The following LRRC4C variants were observed in gnomAD, a reference collection of about 807,000 sequenced individuals.
LRRC4C encodes leucine-rich repeat-containing protein 4C.
Under a neutral mutation model 33.6 loss-of-function variants are expected in LRRC4C, and 5 were observed. The observed-to-expected ratio is 0.15, with a 90% CI of 0.08 to 0.31. The LOEUF (loss-of-function observed/expected upper bound fraction) is 0.31, where lower values mean the gene tolerates loss of function less well. LRRC4C is among the 10% of genes least tolerant of loss of function. The pLI, the probability that LRRC4C is intolerant of heterozygous loss-of-function variation, is 1.00. For missense variants in LRRC4C, 560 were observed against 796.7 expected, an observed-to-expected ratio of 0.70 and a Z score of 3.58; for synonymous variants, 329 against 302.0, an observed-to-expected ratio of 1.09 and a Z score of -0.93.
At chr11:40,497,472 T>C (rs1360946595) in intron 3 of LRRC4C, among the ~76,000 whole-genome samples, 1 of 152,040 alleles carries the variant, frequency 6.6e-6, no homozygotes, top group Admixed American at 6.6e-5. Flanking sequence ...TTTTCATGGA[T>C]ATACTAATAT....
chr11:40,979,928 C>T (rs1360946816), intron 1 of LRRC4C, among the ~76,000 whole-genome samples: 5 of 152,022 alleles, frequency 3.3e-5, no homozygotes, highest in African/African-American at 1.2e-4. Flanking sequence ...AGAAATATAA[C>T]AAGAAAATCA....
intron 1 of LRRC4C, among the ~76,000 whole-genome samples, chr11:41,137,874 G>A (rs958031731): frequency 6.6e-6 from 1 of 152,162 alleles, no homozygotes; most frequent in African/African-American, 2.4e-5. Context: ...AAAAATTTTA[G>A]TAGAAGTGGA....
intron 1 of LRRC4C, among the ~76,000 whole-genome samples, chr11:41,017,830 C>T (rs965484832): frequency 6.6e-5 from 10 of 150,876 alleles, no homozygotes; most frequent in African/African-American, 1.9e-4. Context: ...GCAAAATACA[C>T]AGAGGATATC....
At position 40,115,289 on chromosome 11, in the gene LRRC4C, T is replaced by A; in HGVS notation, c.1004A>T (p.Asn335Ile). 1 of 1,614,074 alleles carries A rather than the reference T, an allele frequency of 6.2e-7. No individual in the cohort carries two copies. Among genetic ancestry groups the A allele is most frequent in the Non-Finnish European group, 8.5e-7 (1 of 1,179,990 alleles). The change falls in exon 7 of 7, where the codon AAT becomes ATT. Residue 335 changes from asparagine (N) to isoleucine (I), a missense_variant. Physicochemically the swap from Asn to Ile is moderately radical, Grantham distance 149 (BLOSUM62 -3). This residue lies in a region of LRRC4C where 455 missense variants were observed against 643.8 expected (regional missense o/e 0.71). Coordinates refer to ENST00000528697, the MANE Select transcript of LRRC4C (RefSeq NM_001258419.2). The surrounding 1 kb of genome is among the most constrained non-coding windows in gnomAD (Gnocchi z 6.7). ...CTCTCCAATGTACCTCCCCTTTAGATTGGGAGGAGTGTTACACCGGGCACA... is the reference window on the plus strand; with the variant it reads ...CTCTCCAATGTACCTCCCCTTTAGAATGGGAGGAGTGTTACACCGGGCACA... ...ACCARCNTPP[N>I]LKGRYIGELD...
Position 41,324,797 on chromosome 11 carries a change from T to C in LRRC4C, c.-496+134634A>G, listed in dbSNP as rs575720945. Among the ~76,000 whole-genome samples the C allele has an allele frequency of 2.9e-4, 44 of 152,338 alleles. No homozygotes were observed. In the South Asian group the frequency reaches 8.1e-3, roughly 28 times the overall value. ...ATTTCACTCAGAAGGAAGTAAGCTG[T>C]GTACACCTATGAATGCATCTTTTCT... is the stretch of plus-strand genomic sequence containing the variant. On this transcript the variant is annotated intron_variant, in intron 1 of 6. Transcript: ENST00000528697.
At chr11:40,706,580 C>T (rs1041384558) in intron 2 of LRRC4C, among the ~76,000 whole-genome samples, 2 of 152,074 alleles carry the variant, frequency 1.3e-5, no homozygotes, top group Admixed American at 6.6e-5. Context: ...TCTCTGTTTT[C>T]GTACCAGTAC....
intron 5 of LRRC4C, among the ~76,000 whole-genome samples, chr11:40,207,325 A>G (rs1284885048): frequency 1.3e-5 from 2 of 152,172 alleles, no homozygotes; most frequent in Admixed American, 1.3e-4. Flanking sequence ...TTATGGTTTT[A>G]AAGGATAAGA....
intron 2 of LRRC4C, among the ~76,000 whole-genome samples, chr11:40,897,679 C>A (rs78559521): frequency 1.8e-4 from 28 of 152,310 alleles, no homozygotes; most frequent in African/African-American, 6.5e-4. Context: ...CTTCTGCTAA[C>A]GATAGAAAAA....
chr11:40,781,737 T>C (rs1950218254), intron 2 of LRRC4C, among the ~76,000 whole-genome samples: 1 of 152,196 alleles, frequency 6.6e-6, no homozygotes, highest in Non-Finnish European at 1.5e-5. Context: ...AACTGGACTC[T>C]AATCATCTAT....
chr11:40,593,482 A>G (rs1005084605), intron 3 of LRRC4C, among the ~76,000 whole-genome samples: 4 of 152,236 alleles, frequency 2.6e-5, no homozygotes, highest in Non-Finnish European at 5.9e-5. Context: ...AATTATACAT[A>G]TACGTGCACA....
At chr11:40,155,623 T>C (rs1383235593) in intron 5 of LRRC4C, among the ~76,000 whole-genome samples, 1 of 151,978 alleles carries the variant, frequency 6.6e-6, no homozygotes, top group Non-Finnish European at 1.5e-5. Context: ...GATAAATTCC[T>C]GGAAAAAGAC....
At chr11:40,979,642 A>T (rs1217307053) in intron 1 of LRRC4C, among the ~76,000 whole-genome samples, 1 of 152,222 alleles carries the variant, frequency 6.6e-6, no homozygotes, top group Non-Finnish European at 1.5e-5. Flanking sequence ...CTTTGTCAGC[A>T]TTTAGTAATG....
At chr11:40,724,259 T>C (rs971990007) in intron 2 of LRRC4C, among the ~76,000 whole-genome samples, 1 of 152,194 alleles carries the variant, frequency 6.6e-6, no homozygotes, top group Non-Finnish European at 1.5e-5. Flanking sequence ...CAGTTGGATC[T>C]AATAGACATT....
chr11:40,604,257 A>G (rs1301209154), intron 3 of LRRC4C, among the ~76,000 whole-genome samples: 1 of 152,188 alleles, frequency 6.6e-6, no homozygotes, highest in Non-Finnish European at 1.5e-5. Context: ...AAAATCTGTA[A>G]TAAATTCCTC....
intron 1 of LRRC4C, among the ~76,000 whole-genome samples, chr11:41,306,837 A>G (rs1273528248): frequency 6.6e-6 from 1 of 152,228 alleles, no homozygotes; most frequent in Non-Finnish European, 1.5e-5. Flanking sequence ...GGAAAGTTTA[A>G]GTAGTTGCTT....
chr11:41,221,173 T>C (rs964699056), intron 1 of LRRC4C, among the ~76,000 whole-genome samples: 3 of 152,070 alleles, frequency 2.0e-5, no homozygotes, highest in Admixed American at 6.6e-5. Flanking sequence ...CCAGTGTGTG[T>C]TGTTCCCCTA....
intron 2 of LRRC4C, among the ~76,000 whole-genome samples, chr11:40,900,744 CTG>C (rs895814732): frequency 2.0e-5 from 3 of 151,918 alleles, no homozygotes; most frequent in African/African-American, 7.2e-5. Flanking sequence ...CAGAAGAATA[CTG>C]TGTTTAAAAT....
intron 4 of LRRC4C, among the ~76,000 whole-genome samples, chr11:40,275,838 A>C (rs1350134732): frequency 6.6e-6 from 1 of 152,178 alleles, no homozygotes; most frequent in African/African-American, 2.4e-5. Context: ...ATCACAAAGC[A>C]TCTATAGACT....
At chr11:40,579,102 C>T (rs902885806) in intron 3 of LRRC4C, among the ~76,000 whole-genome samples, 29 of 152,178 alleles carry the variant, frequency 1.9e-4, no homozygotes, top group Admixed American at 3.3e-4. Context: ...CTTTGGGAGG[C>T]CGAGGTAGGT....
Sources: gnomAD v4.1 joint callset for allele counts (sites outside exome capture counted in the v4.1 genomes callset) on GRCh38, gnomAD v4.1.1 for gene constraint, gnomAD v4.1.1 regional missense constraint, Gnocchi (gnomAD v3.1) non-coding constraint, MANE v1.5 for transcripts, NCBI Gene and HGNC (gene_info 2026-07-23, HGNC 2026-07-21) for gene names.